The following SLC26A7 variants were observed in gnomAD, a reference collection of about 807,000 sequenced individuals.
SLC26A7 encodes solute carrier family 26 member 7, also known as anion exchange transporter.
SLC26A7 carries 59 observed loss-of-function variants against 82.5 expected under a neutral mutation model. The observed-to-expected ratio is 0.72, with a 90% CI of 0.58 to 0.89. The LOEUF is 0.89. Ranked by LOEUF, SLC26A7 falls within the 40% of genes least tolerant of loss-of-function variation. The pLI is 0.00. For missense variants in SLC26A7, 820 were observed against 793.0 expected, an observed-to-expected ratio of 1.03 and a Z score of -0.41; for synonymous variants, 271 against 274.3, an observed-to-expected ratio of 0.99 and a Z score of 0.12.
Position 91,233,721 on chromosome 8 carries a change from C to T in SLC26A7, c.-34+14716C>T, listed in dbSNP as rs189102366. Among the ~76,000 whole-genome samples, 228 of 152,266 alleles carry T rather than the reference C, an allele frequency of 1.5e-3. 1 individual carries two copies. The highest frequency in any genetic ancestry group is 5.3e-3 in the African/African-American group (221 of 41,552). On this transcript the variant is annotated intron_variant, in intron 2 of 5. Coordinates refer to the SLC26A7 transcript ENST00000522862. ...CAACTTGTCCCAAACTACACTAAAA[C>T]TCTCAGCTACCTCTGTTTTAGTTCA...
chr8:91,370,757 C>T (rs1157697521), intron 15 of SLC26A7, among the ~76,000 whole-genome samples: 1 of 151,838 alleles, frequency 6.6e-6, no homozygotes, highest in Non-Finnish European at 1.5e-5. Flanking sequence ...TGAATTGAAA[C>T]AGATTTGTAT....
chr8:91,367,328 C>CCA (rs1190812340), intron 14 of SLC26A7, among the ~76,000 whole-genome samples: 10 of 151,924 alleles, frequency 6.6e-5, no homozygotes, highest in African/African-American at 1.9e-4. Context: ...TTTCTTTAAA[C>CCA]AAAAAAGGCA....
rs560691787 is a variant in SLC26A7 at position 91,220,425 on chromosome 8, A to G, written c.-34+1420A>G. 6.0e-5 allele frequency among the ~76,000 whole-genome samples: 9 copies of G among 150,098 alleles called. No individual in the cohort carries two copies. In the South Asian group the frequency reaches 1.9e-3, roughly 32 times the overall value. On this transcript the variant is annotated intron_variant, in intron 2 of 5. Coordinates refer to the SLC26A7 transcript ENST00000522862. ...ACTGGGATACATGTGCAGACCATGC[A>G]GGTTTGTTACATAGGTATACGGGTG...
chr8:91,335,683 G>A (rs907367602), intron 6 of SLC26A7, among the ~76,000 whole-genome samples: 3 of 152,100 alleles, frequency 2.0e-5, no homozygotes, highest in East Asian at 3.8e-4. Flanking sequence ...TTCTTTATAC[G>A]TGTTATCCCT....
intron 2 of SLC26A7, among the ~76,000 whole-genome samples, chr8:91,227,907 A>G (rs1374516409): frequency 1.3e-5 from 2 of 152,194 alleles, no homozygotes; most frequent in Non-Finnish European, 2.9e-5. Flanking sequence ...GACTGCAGCT[A>G]TTAGAAAATA....
At chr8:91,352,037 G>GC in intron 10 of SLC26A7, 150 bp downstream of exon 10, 1 of 694,540 alleles carries the variant, frequency 1.4e-6, no homozygotes, top group Non-Finnish European at 2.4e-6. Context: ...GGTGTGGAAA[G>GC]CTACCACATT....
intron 4 of SLC26A7, among the ~76,000 whole-genome samples, chr8:91,307,478 G>C (rs1353988814): frequency 6.9e-6 from 1 of 145,330 alleles, no homozygotes; most frequent in Non-Finnish European, 1.5e-5. Context: ...CATAAAAAAT[G>C]ATGAGTTCAT....
At chr8:91,296,516 GA>G (rs920526357) in intron 4 of SLC26A7, among the ~76,000 whole-genome samples, 8 of 152,160 alleles carry the variant, frequency 5.3e-5, no homozygotes, top group African/African-American at 1.9e-4. Context: ...CAAGAAGGGC[GA>G]AAAATAGTTG....
At chr8:91,272,369 T>A (rs1237690403) in intron 2 of SLC26A7, among the ~76,000 whole-genome samples, 1 of 152,154 alleles carries the variant, frequency 6.6e-6, no homozygotes, top group African/African-American at 2.4e-5. Flanking sequence ...TAATAGATGT[T>A]TGCAATCTAA....
At chr8:91,383,067 A>G (rs1190998994) in intron 15 of SLC26A7, among the ~76,000 whole-genome samples, 1 of 152,130 alleles carries the variant, frequency 6.6e-6, no homozygotes, top group Non-Finnish European at 1.5e-5. Context: ...ATTGGTCTAA[A>G]TGCAGCCTGC....
At chr8:91,274,722 C>T (rs1284684887) in intron 2 of SLC26A7, among the ~76,000 whole-genome samples, 2 of 152,156 alleles carry the variant, frequency 1.3e-5, no homozygotes, top group African/African-American at 4.8e-5. Flanking sequence ...TGATATATCT[C>T]CAGTGCCTGG....
intron 2 of SLC26A7, among the ~76,000 whole-genome samples, chr8:91,219,462 A>G (rs910455878): frequency 2.6e-5 from 4 of 152,170 alleles, no homozygotes; most frequent in African/African-American, 9.7e-5. Context: ...AATGAGTAGA[A>G]GCCTGGAAAC....
chr8:91,346,146 A>G (rs1347545285), intron 9 of SLC26A7, among the ~76,000 whole-genome samples: 1 of 152,190 alleles, frequency 6.6e-6, no homozygotes, highest in Non-Finnish European at 1.5e-5. Flanking sequence ...AGGAAAACAA[A>G]GCTCAGTGGC....
chr8:91,220,205 T>C (rs556555168), intron 2 of SLC26A7, among the ~76,000 whole-genome samples: 108 of 152,082 alleles, frequency 7.1e-4, no homozygotes, highest in African/African-American at 2.1e-3. Context: ...TAACCAAGAA[T>C]GCATTTTAAA....
At chr8:91,393,729 A>C in intron 16 of SLC26A7, 68 bp from the exon 17 acceptor site, 1 of 1,529,008 alleles carries the variant, frequency 6.5e-7, no homozygotes, top group Non-Finnish European at 9.0e-7. Context: ...TTTCTTCTGA[A>C]GCCCATCTTA....
chr8:91,334,833 A>T (rs1813196348), intron 6 of SLC26A7, among the ~76,000 whole-genome samples: 1 of 152,192 alleles, frequency 6.6e-6, no homozygotes, highest in Admixed American at 6.6e-5. Flanking sequence ...CCTATAAGAT[A>T]TGTATAGAAA....
chr8:91,342,232 C>T (rs985035900), intron 8 of SLC26A7, among the ~76,000 whole-genome samples: 1 of 152,148 alleles, frequency 6.6e-6, no homozygotes, highest in African/African-American at 2.4e-5. Flanking sequence ...GCTCAGCCAG[C>T]TTCTTTATCA....
rs146648779 is a variant in SLC26A7 at position 91,298,116 on chromosome 8, C to T, written c.477+2413C>T. Among the ~76,000 whole-genome samples, 675 of 152,260 alleles carry T rather than the reference C, an allele frequency of 4.4e-3. 4 individuals are homozygous for T. The highest frequency in any genetic ancestry group is 0.016 in the African/African-American group (657 of 41,562). ...GGGGGGGCTTTGGTGTCTGGCAACA[C>T]ATTCAATTGATGAACTAATCAGCTT... On this transcript the variant is annotated intron_variant, in intron 4 of 18. Coordinates refer to ENST00000276609, the MANE Select transcript of SLC26A7 (RefSeq NM_052832.4).
chr8:91,251,310 A>G (rs1209361782), intron 2 of SLC26A7, among the ~76,000 whole-genome samples: 1 of 151,962 alleles, frequency 6.6e-6, no homozygotes, highest in East Asian at 1.9e-4. Flanking sequence ...CGAGTCATGT[A>G]TTTCACTGGT....
Sources: gnomAD v4.1 joint callset for allele counts (sites outside exome capture counted in the v4.1 genomes callset) on GRCh38, gnomAD v4.1.1 for gene constraint, MANE v1.5 for transcripts, NCBI Gene and HGNC (gene_info 2026-07-23, HGNC 2026-07-21) for gene names.